Variants in PDCD4 observed in about 807,000 individuals in gnomAD.
The protein encoded by PDCD4 is programmed cell death protein 4.
PDCD4 carries 56 observed loss-of-function variants against 54.0 expected under a neutral mutation model. The ratio of observed to expected loss-of-function variants is 1.04; its 90% CI spans 0.84 to 1.30. The LOEUF is 1.30. PDCD4 is among the 50% of genes most tolerant of loss of function. The probability of loss-of-function intolerance (pLI) is 0.00; values close to 1 mark genes in which losing one functional copy is unlikely to be tolerated. For missense variants in PDCD4, 584 were observed against 559.8 expected, an observed-to-expected ratio of 1.04 and a Z score of -0.44; for synonymous variants, 186 against 194.8, an observed-to-expected ratio of 0.95 and a Z score of 0.37.
In PDCD4 at chr10:110,899,669, T is replaced by C. The variant is rs1289403011; in HGVS notation, c.*1581T>C. ...AAAAGTAGCCAGGCATGGTGGCGCA[T>C]GCGTGTAATCCCAGCTACTTGGGAG... On this transcript the variant is annotated 3_prime_UTR_variant, in exon 12 of 12. Transcript: ENST00000280154. The C allele has an allele frequency of 6.6e-6, 1 of 152,056 alleles. No individual in the cohort carries two copies. Among genetic ancestry groups the C allele is most frequent in the Non-Finnish European group, 1.5e-5 (1 of 68,060 alleles). 9.4% of individuals were successfully genotyped at this position (152,056 alleles called of 1,614,324 possible). A position where few individuals can be genotyped will look rare whatever the true frequency, so the allele number is the denominator to read the frequency against.
At chr10:110,891,083 C>G (rs1845748280) in intron 8 of PDCD4, among the ~76,000 whole-genome samples, 1 of 152,074 alleles carries the variant, frequency 6.6e-6, no homozygotes, top group African/African-American at 2.4e-5. Context: ...TAGAGCAGAT[C>G]AGAGTGTTAG....
At chr10:110,897,006 G>A (rs1174363734) in intron 11 of PDCD4, among the ~76,000 whole-genome samples, 1 of 152,200 alleles carries the variant, frequency 6.6e-6, no homozygotes, top group African/African-American at 2.4e-5. Flanking sequence ...GATGTGCCAA[G>A]TGATATACAT....
At chr10:110,886,388 A>G (rs931342524) in intron 5 of PDCD4, among the ~76,000 whole-genome samples, 2 of 152,150 alleles carry the variant, frequency 1.3e-5, no homozygotes, top group African/African-American at 4.8e-5. Context: ...GCCAGTTAAG[A>G]TAGTTTTCCA....
Position 110,881,452 on chromosome 10 carries a change from G to T in PDCD4, c.263G>T (p.Gly88Val). The part of the protein sequence containing the change: ...SDSGSDALRS[G>V]LTVPTSPKGR... The stretch of plus-strand genomic sequence containing the variant: ...AGTGGGAGTGACGCCCTTAGAAGTG[G>T]ATTAACTGTGCCAACCAGTCCAAAG... Residue 88 changes from glycine to valine, a missense_variant, in exon 3 of 12, where the codon GGA becomes GTA. By Grantham distance (109) the Gly-to-Val change is moderately radical. Coordinates refer to ENST00000280154, the MANE Select transcript of PDCD4 (RefSeq NM_014456.5). 6.2e-7 allele frequency: 1 copy of T among 1,614,188 alleles called. No individual in the cohort carries two copies. Among genetic ancestry groups the T allele is most frequent in the Non-Finnish European group, 8.5e-7 (1 of 1,180,040 alleles).
intron 2 of PDCD4, chr10:110,876,666 C>T: frequency 2.0e-6 from 2 of 1,008,942 alleles, no homozygotes; most frequent in Admixed American, 3.7e-5. Context: ...TCTAAATTAC[C>T]TAGGGTATTT....
At position 110,899,678 on chromosome 10, in the gene PDCD4, T is replaced by G. The variant is rs934945278; in HGVS notation, c.*1590T>G. ...CAGGCATGGTGGCGCATGCGTGTAA[T>G]CCCAGCTACTTGGGAGGCTGAGGCA... On this transcript the variant is annotated 3_prime_UTR_variant, in exon 12 of 12. Coordinates refer to ENST00000280154, the MANE Select transcript of PDCD4 (RefSeq NM_014456.5). 2.6e-5 allele frequency: 4 copies of G among 152,054 alleles called. No individual in the cohort carries two copies. The highest frequency in any genetic ancestry group is 7.3e-5 in the African/African-American group (3 of 41,344). 9.4% of individuals were successfully genotyped at this position (152,054 alleles called of 1,614,324 possible). A position where few individuals can be genotyped will look rare whatever the true frequency, so the allele number is the denominator to read the frequency against.
At position 110,894,097 on chromosome 10, in the gene PDCD4, A is replaced by G. The variant is rs749390244; in HGVS notation, c.997A>G (p.Met333Val). 2 of 1,585,758 alleles carry G rather than the reference A, an allele frequency of 1.3e-6. No individual in the cohort carries two copies. Among genetic ancestry groups the G allele is most frequent in the South Asian group, 1.1e-5 (1 of 90,292 alleles). Residue 333 changes from methionine (M) to valine (V), a missense_variant, in exon 9 of 12, where the codon ATG becomes GTG. Coordinates refer to ENST00000280154, the MANE Select transcript of PDCD4 (RefSeq NM_014456.5). ...SVNHLVKEID[M>V]LLKEYLLSGD... ...CAACTTTTAAATCTAATAGATTGAT[A>G]TGCTGCTGAAAGAATATTTACTCTC...
At position 110,878,877 on chromosome 10, in the gene PDCD4, C is replaced by G. The variant is rs564755212; in HGVS notation, c.44-2356C>G. Among the ~76,000 whole-genome samples, 25 of 152,174 alleles carry G rather than the reference C, an allele frequency of 1.6e-4. No individual in the cohort carries two copies. The South Asian group carries it at 5.2e-3, about 32-fold the overall frequency. ...TAATAGGTACCAGGTAGTGTGGAACCTGGTATCTAATAGATGACAATAGTA... is the reference window on the plus strand; with the variant it reads ...TAATAGGTACCAGGTAGTGTGGAACGTGGTATCTAATAGATGACAATAGTA... On this transcript the variant is annotated intron_variant, in intron 2 of 11. Coordinates refer to ENST00000280154, the MANE Select transcript of PDCD4 (RefSeq NM_014456.5).
intron 4 of PDCD4, among the ~76,000 whole-genome samples, chr10:110,883,843 T>G (rs1273754818): frequency 6.6e-6 from 1 of 152,230 alleles, no homozygotes; most frequent in Admixed American, 6.5e-5. Context: ...TATGTATGTA[T>G]TTAAGTGTTT....
intron 5 of PDCD4, among the ~76,000 whole-genome samples, chr10:110,886,733 A>C (rs1367788603): frequency 2.6e-5 from 4 of 152,178 alleles, no homozygotes; most frequent in African/African-American, 7.2e-5. Flanking sequence ...TTTGAGTATT[A>C]AATAAGATAA....
intron 1 of PDCD4, among the ~76,000 whole-genome samples, chr10:110,874,047 G>T (rs1421528556): frequency 2.0e-5 from 3 of 152,152 alleles, no homozygotes; most frequent in Non-Finnish European, 4.4e-5. Context: ...TAAAATTTTG[G>T]ATTGAACTTG....
intron 2 of PDCD4, among the ~76,000 whole-genome samples, chr10:110,878,216 G>A (rs1845536211): frequency 6.6e-6 from 1 of 152,156 alleles, no homozygotes; most frequent in African/African-American, 2.4e-5. Flanking sequence ...AAAATATAAA[G>A]CAATTAATAC....
At chr10:110,873,795 G>C (rs941585404) in intron 1 of PDCD4, among the ~76,000 whole-genome samples, 5 of 152,150 alleles carry the variant, frequency 3.3e-5, no homozygotes, top group Admixed American at 6.5e-5. Flanking sequence ...TTGAGTTCCT[G>C]ATCGGGTTAT....
intron 1 of PDCD4, among the ~76,000 whole-genome samples, chr10:110,873,518 G>A (rs563217759): frequency 6.6e-6 from 1 of 152,286 alleles, no homozygotes; most frequent in East Asian, 1.9e-4. Context: ...TGTATATTTC[G>A]TGTAACACAC....
At position 110,887,765 on chromosome 10, in the gene PDCD4, C is replaced by T. The variant is rs777636393; in HGVS notation, c.656C>T (p.Thr219Ile). The change falls in exon 6 of 12, where the codon ACA becomes ATA. Residue 219 changes from threonine (T) to isoleucine (I), a missense_variant. Thr to Ile is a moderately conservative substitution (Grantham distance 89). Coordinates refer to ENST00000280154, the MANE Select transcript of PDCD4 (RefSeq NM_014456.5). ...LEGKASHREM[T>I]SKLLSDLCGT... Reference sequence around the variant, plus strand: ...GGGAAGGCTAGTCATAGAGAGATGACATCTAAGCTTCTTTCTGACCTTTGT... The same window carrying T: ...GGGAAGGCTAGTCATAGAGAGATGATATCTAAGCTTCTTTCTGACCTTTGT... The T allele has an allele frequency of 6.2e-7, 1 of 1,612,560 alleles. No individual in the cohort carries two copies. The highest frequency in any genetic ancestry group is 2.2e-5 in the East Asian group (1 of 44,846).
chr10:110,886,361 A>T (rs944103035), intron 5 of PDCD4, among the ~76,000 whole-genome samples: 2 of 152,176 alleles, frequency 1.3e-5, no homozygotes, highest in Non-Finnish European at 1.5e-5. Context: ...TGCTGTCTGA[A>T]GGATGTTGAG....
Position 110,894,495 on chromosome 10 carries a change from T to C in PDCD4, c.1182T>C (p.Ser394=). ...TATTAAAGTCCCTTTGGAAGTCTTC[T>C]ACCATTACTGTAGACCAAATGAAAA... ...LDLLKSLWKS[S]TITVDQMKRG... is the part of the protein sequence containing the mutation. Residue 394 remains serine, a synonymous_variant, in exon 10 of 12, where the codon TCT becomes TCC. Coordinates refer to ENST00000280154, the MANE Select transcript of PDCD4 (RefSeq NM_014456.5). 1 of 1,522,120 alleles carries C rather than the reference T, an allele frequency of 6.6e-7. No homozygotes were observed. The highest frequency in any genetic ancestry group is 9.1e-7 in the Non-Finnish European group (1 of 1,098,478). 94.3% of individuals were successfully genotyped at this position (1,522,120 alleles called of 1,614,324 possible).
chr10:110,875,986 T>G lies in PDCD4; in HGVS notation c.-42T>G. Reference sequence around the variant, plus strand: ...AACAGATTCTGAAGGAAGATTTCCATTAGGTAATTTGTTTAATCAGTGCAA... The same window carrying G: ...AACAGATTCTGAAGGAAGATTTCCAGTAGGTAATTTGTTTAATCAGTGCAA... On this transcript the variant is annotated 5_prime_UTR_variant, in exon 2 of 12. Coordinates refer to ENST00000280154, the MANE Select transcript of PDCD4 (RefSeq NM_014456.5). 2 of 1,438,712 alleles carry G rather than the reference T, an allele frequency of 1.4e-6. No individual in the cohort carries two copies. The highest frequency in any genetic ancestry group is 1.2e-5 in the South Asian group (1 of 80,002). The allele number at this position is 1,438,712 out of a possible 1,614,324, so 89.1% of individuals were successfully genotyped here. A position where few individuals can be genotyped will look rare whatever the true frequency, so the allele number is the denominator to read the frequency against.
intron 4 of PDCD4, among the ~76,000 whole-genome samples, chr10:110,883,545 T>A: frequency 6.6e-6 from 1 of 152,246 alleles, no homozygotes; most frequent in Non-Finnish European, 1.5e-5. Flanking sequence ...TTATTTTTTT[T>A]AATGGAAAAA....
Sources: gnomAD v4.1 joint callset for allele counts (sites outside exome capture counted in the v4.1 genomes callset) on GRCh38, gnomAD v4.1.1 for gene constraint, MANE v1.5 for transcripts, NCBI Gene and HGNC (gene_info 2026-07-23, HGNC 2026-07-21) for gene names.